Variants in PCSK2 observed in about 807,000 individuals in gnomAD.
PCSK2 encodes neuroendocrine convertase 2.
A neutral mutation model predicts 69.7 loss-of-function variants in PCSK2; 14 were observed. That is an observed-to-expected ratio of 0.20 (90% CI 0.13 to 0.31). The LOEUF (loss-of-function observed/expected upper bound fraction) is 0.31, where lower values mean the gene tolerates loss of function less well. Among genes scored for constraint, PCSK2 ranks in the 10% least tolerant of loss-of-function variants. The probability of loss-of-function intolerance (pLI) is 1.00; values close to 1 mark genes in which losing one functional copy is unlikely to be tolerated. For synonymous variants in PCSK2, 307 were observed against 320.7 expected (o/e 0.96, Z 0.46); for missense variants, 544 against 842.5 (o/e 0.65, Z 4.39).
Position 17,303,721 on chromosome 20 carries a change from C to A in PCSK2, c.282+43377C>A, listed in dbSNP as rs145129228. ...CTTCCTGAATAGCTGGGACTACAGG[C>A]ACGTGCCACCCCACCCATCTAATTT... On this transcript the variant is annotated intron_variant, in intron 2 of 11. Transcript: ENST00000262545. 5.9e-4 allele frequency among the ~76,000 whole-genome samples: 86 copies of A among 146,712 alleles called. 1 individual carries two copies. The East Asian group carries it at 0.017, about 29-fold the overall frequency.
intron 8 of PCSK2, among the ~76,000 whole-genome samples, chr20:17,441,451 A>G (rs1003161973): frequency 5.3e-5 from 8 of 152,206 alleles, no homozygotes; most frequent in Non-Finnish European, 8.8e-5. Context: ...AAAGGTCTGA[A>G]CAGAAATATA....
chr20:17,236,070 C>T (rs922029730), intron 1 of PCSK2, among the ~76,000 whole-genome samples: 1 of 151,904 alleles, frequency 6.6e-6, no homozygotes, highest in African/African-American at 2.4e-5. Context: ...CAGAAATAAC[C>T]ATTACCAGCT....
intron 2 of PCSK2, among the ~76,000 whole-genome samples, chr20:17,283,813 TC>T (rs753490973): frequency 2.0e-5 from 3 of 152,140 alleles, no homozygotes; most frequent in Non-Finnish European, 4.4e-5. Flanking sequence ...CCTACCTAAA[TC>T]CAGCTAGCAT....
intron 10 of PCSK2, 67 bp downstream of exon 10, chr20:17,456,515 C>T: frequency 1.2e-6 from 1 of 841,362 alleles, no homozygotes; most frequent in Non-Finnish European, 2.0e-6. Context: ...TCTCTGCCCA[C>T]ATGCCAGGTG....
At chr20:17,277,338 C>T (rs1186173077) in intron 2 of PCSK2, among the ~76,000 whole-genome samples, 1 of 152,088 alleles carries the variant, frequency 6.6e-6, no homozygotes, top group Non-Finnish European at 1.5e-5. Flanking sequence ...GCTACAGTAA[C>T]CAAAACAGCA....
chr20:17,465,006 T>G, intron 10 of PCSK2: 1 of 373,726 alleles, frequency 2.7e-6, no homozygotes. Context: ...ACAAAGTACA[T>G]GTGTTCCAGT....
At chr20:17,306,145 A>G (rs1989319892) in intron 2 of PCSK2, among the ~76,000 whole-genome samples, 1 of 152,200 alleles carries the variant, frequency 6.6e-6, no homozygotes, top group African/African-American at 2.4e-5. Flanking sequence ...ATCTCCCTTT[A>G]GCCAAAGAGT....
rs11430521 is a variant in PCSK2, at chr20:17,483,041, T to TTTA, written c.*971_*972insTTA. 2.6e-5 allele frequency: 4 copies of TTTA among 151,610 alleles called. No homozygotes were observed. The highest frequency in any genetic ancestry group is 9.7e-5 in the African/African-American group (4 of 41,260). The allele number at this position is 151,610 out of a possible 1,614,324, so 9.4% of individuals were successfully genotyped here. A position where few individuals can be genotyped will look rare whatever the true frequency, so the allele number is the denominator to read the frequency against. On this transcript the variant is annotated 3_prime_UTR_variant, in exon 12 of 12. Transcript: ENST00000262545. ...GGCGACAGGAGTATTTTTTTTTTTT[T>TTTA]ACAGCTTTACACACACAGATGTGGG...
chr20:17,284,245 C>A (rs936815699), intron 2 of PCSK2, among the ~76,000 whole-genome samples: 1 of 152,198 alleles, frequency 6.6e-6, no homozygotes, highest in African/African-American at 2.4e-5. Context: ...GAGTAGCAGT[C>A]ACATCCAGGT....
Position 17,303,516 on chromosome 20 carries a change from A to ATTAT in PCSK2, c.282+43172_282+43173insTTAT, listed in dbSNP as rs1274454263. Among the ~76,000 whole-genome samples the ATTAT allele has an allele frequency of 7.6e-4, 21 of 27,518 alleles. 1 individual carries two copies. The East Asian group carries it at 0.022, about 29-fold the overall frequency. 18.1% of individuals were successfully genotyped at this position (27,518 alleles called of 152,430 possible). A position where few individuals can be genotyped will look rare whatever the true frequency, so the allele number is the denominator to read the frequency against. ...ATTTAATATAATATATATTATATATAATATAATATATATTATATTATATAT... is the reference window on the plus strand; with the variant it reads ...ATTTAATATAATATATATTATATATATTATATATAATATATATTATATTATATAT... On this transcript the variant is annotated intron_variant, in intron 2 of 11. Coordinates refer to ENST00000262545, the MANE Select transcript of PCSK2 (RefSeq NM_002594.5).
chr20:17,420,689 C>T (rs1383341729), intron 6 of PCSK2, among the ~76,000 whole-genome samples: 1 of 152,104 alleles, frequency 6.6e-6, no homozygotes, highest in Non-Finnish European at 1.5e-5. Flanking sequence ...TTTTATGGTA[C>T]TCAGACGGCA....
intron 9 of PCSK2, among the ~76,000 whole-genome samples, chr20:17,455,981 C>G (rs2032912047): frequency 6.6e-6 from 1 of 152,178 alleles, no homozygotes; most frequent in African/African-American, 2.4e-5. Context: ...GGCAGTGACT[C>G]ATGCCTGTAA....
At chr20:17,250,739 G>A in intron 1 of PCSK2, among the ~76,000 whole-genome samples, 1 of 152,010 alleles carries the variant, frequency 6.6e-6, no homozygotes, top group Non-Finnish European at 1.5e-5. Flanking sequence ...CAGAATCATG[G>A]TAAGATATGT....
intron 6 of PCSK2, among the ~76,000 whole-genome samples, chr20:17,421,943 C>A (rs2123325399): frequency 6.7e-6 from 1 of 150,238 alleles, no homozygotes; most frequent in East Asian, 2.0e-4. Context: ...TTAATTTGTA[C>A]TATATGAAAT....
chr20:17,251,224 C>T (rs1372134925), intron 1 of PCSK2, among the ~76,000 whole-genome samples: 1 of 152,186 alleles, frequency 6.6e-6, no homozygotes, highest in Non-Finnish European at 1.5e-5. Context: ...ATACAGCACA[C>T]ATACATTTTC....
In PCSK2 at chr20:17,393,604, G is replaced by C. The variant is rs774159099; in HGVS notation, c.544-15659G>C. 2.6e-5 allele frequency among the ~76,000 whole-genome samples: 4 copies of C among 151,506 alleles called. No homozygotes were observed. The South Asian group carries it at 8.4e-4, about 32-fold the overall frequency. Reference sequence around the variant, plus strand: ...TTCAATCACTATTAAGCACAGTTGAGTTAAATCCAGTAAGCATTCTGTTGG... The same window carrying C: ...TTCAATCACTATTAAGCACAGTTGACTTAAATCCAGTAAGCATTCTGTTGG... On this transcript the variant is annotated intron_variant, in intron 5 of 11. Transcript: ENST00000262545.
intron 1 of PCSK2, among the ~76,000 whole-genome samples, chr20:17,255,172 G>A (rs1218363025): frequency 6.6e-6 from 1 of 152,066 alleles, no homozygotes; most frequent in Admixed American, 6.6e-5. Flanking sequence ...CTTGCCTGAT[G>A]GCATTAGCTA....
At chr20:17,417,901 T>C (rs1327713130) in intron 6 of PCSK2, among the ~76,000 whole-genome samples, 1 of 152,192 alleles carries the variant, frequency 6.6e-6, no homozygotes, top group African/African-American at 2.4e-5. Context: ...TCTATTTTTG[T>C]ATGTTTTTGA....
chr20:17,333,910 C>CATATACATATATATATAT (rs1990270605), intron 2 of PCSK2, among the ~76,000 whole-genome samples: 3 of 86,372 alleles, frequency 3.5e-5, no homozygotes, highest in Non-Finnish European at 7.1e-5. Context: ...TAAGTCACTG[C>CATATACATATATATATAT]ATATATATAT....
Sources: gnomAD v4.1 joint callset for allele counts (sites outside exome capture counted in the v4.1 genomes callset) on GRCh38, gnomAD v4.1.1 for gene constraint, MANE v1.5 for transcripts, NCBI Gene and HGNC (gene_info 2026-07-23, HGNC 2026-07-21) for gene names.